Variants in PRKCA observed in about 807,000 individuals in gnomAD.
PRKCA encodes protein kinase C alpha type.
A neutral mutation model predicts 87.0 loss-of-function variants in PRKCA; 27 were observed. The ratio of observed to expected loss-of-function variants is 0.31; its 90% confidence interval spans 0.23 to 0.43. PRKCA has a LOEUF of 0.43. Among genes scored for constraint, PRKCA ranks in the 20% least tolerant of loss-of-function variants. PRKCA has a pLI of 1.00. For synonymous variants in PRKCA, 329 were observed against 311.1 expected, an observed-to-expected ratio of 1.06 and a Z score of -0.61; for missense variants, 518 against 852.3, an observed-to-expected ratio of 0.61 and a Z score of 4.88.
intron 2 of PRKCA, among the ~76,000 whole-genome samples, chr17:66,335,080 T>A (rs1394796729): frequency 6.6e-6 from 1 of 152,064 alleles, no homozygotes; most frequent in Non-Finnish European, 1.5e-5. Context: ...AGACAGAAAG[T>A]AGAATGGTAG....
intron 8 of PRKCA, among the ~76,000 whole-genome samples, chr17:66,720,542 T>C (rs1973589179): frequency 6.6e-6 from 1 of 152,350 alleles, no homozygotes; most frequent in Middle Eastern, 3.4e-3. Flanking sequence ...TGATCTCTCT[T>C]AACTAACGTT....
At chr17:66,580,601 T>A (rs911935475) in intron 3 of PRKCA, among the ~76,000 whole-genome samples, 31 of 152,202 alleles carry the variant, frequency 2.0e-4, no homozygotes, top group Non-Finnish European at 4.0e-4. Context: ...CATAAGAAAG[T>A]TGTCCGTGTT....
intron 2 of PRKCA, among the ~76,000 whole-genome samples, chr17:66,393,638 G>A (rs1910492880): frequency 8.5e-6 from 1 of 118,304 alleles, no homozygotes; most frequent in Admixed American, 8.9e-5. Flanking sequence ...CCATGTGTGT[G>A]CACGTGTGTG....
intron 5 of PRKCA, among the ~76,000 whole-genome samples, chr17:66,672,065 T>C (rs542105782): frequency 2.0e-5 from 3 of 152,296 alleles, no homozygotes; most frequent in South Asian, 4.2e-4. Flanking sequence ...TAGGTGAATA[T>C]TAAGCTAATC....
In PRKCA at chr17:66,389,962, G is replaced by A. The variant is rs989768994; in HGVS notation, c.205+83835G>A. 8.5e-5 allele frequency among the ~76,000 whole-genome samples: 13 copies of A among 152,334 alleles called. No homozygotes were observed. The South Asian group carries it at 1.7e-3, about 19-fold the overall frequency. On this transcript the variant is annotated intron_variant, in intron 2 of 16. Transcript: ENST00000413366. ...GAAGAGGCCGGGCGCAGTGGCTCACGCCTGTAATCCCAGCACTTTGGGAGG... is the reference window on the plus strand; with the variant it reads ...GAAGAGGCCGGGCGCAGTGGCTCACACCTGTAATCCCAGCACTTTGGGAGG...
intron 16 of PRKCA, among the ~76,000 whole-genome samples, chr17:66,793,872 G>A (rs1388836260): frequency 2.6e-5 from 4 of 152,138 alleles, no homozygotes; most frequent in Non-Finnish European, 5.9e-5. Flanking sequence ...CTGATCCACC[G>A]TCACTTTGAA....
chr17:66,702,393 A>G (rs1482568553), intron 8 of PRKCA, among the ~76,000 whole-genome samples: 1 of 152,176 alleles, frequency 6.6e-6, no homozygotes, highest in African/African-American at 2.4e-5. Flanking sequence ...TCACAGAAAC[A>G]GAATAGAAGT....
Position 66,529,971 on chromosome 17 carries a change from A to G in PRKCA, c.288+33688A>G, listed in dbSNP as rs1421156064. ...TGTCATCCCAGATCTGCGACATGCAATAAGGAAAACTGAGTCAGGGAGGAA... is the reference window on the plus strand; with the variant it reads ...TGTCATCCCAGATCTGCGACATGCAGTAAGGAAAACTGAGTCAGGGAGGAA... On this transcript the variant is annotated intron_variant, in intron 3 of 16. Coordinates refer to ENST00000413366, the MANE Select transcript of PRKCA (RefSeq NM_002737.3). Among the ~76,000 whole-genome samples the G allele has an allele frequency of 5.9e-5, 9 of 152,174 alleles. 1 individual carries two copies. Among genetic ancestry groups the G allele is most frequent in the Admixed American group, 5.2e-4 (8 of 15,284 alleles).
chr17:66,547,150 G>A (rs111916058), intron 3 of PRKCA, among the ~76,000 whole-genome samples: 5 of 152,172 alleles, frequency 3.3e-5, no homozygotes, highest in African/African-American at 1.2e-4. Context: ...TCGTGTTTAT[G>A]TCTCCAGATA....
chr17:66,397,556 G>A (rs527830173), intron 2 of PRKCA, among the ~76,000 whole-genome samples: 7 of 151,890 alleles, frequency 4.6e-5, no homozygotes, highest in Non-Finnish European at 1.0e-4. Context: ...TTGACTTAAG[G>A]GCAAATGTCT....
intron 15 of PRKCA, 121 bp from the exon 16 acceptor site, chr17:66,788,718 C>T (rs888270955): frequency 5.0e-6 from 6 of 1,201,134 alleles, no homozygotes; most frequent in Non-Finnish European, 6.9e-6. Context: ...GGTCAGCTCT[C>T]TGAGATGCTG....
intron 2 of PRKCA, among the ~76,000 whole-genome samples, chr17:66,474,531 C>T (rs1915459524): frequency 6.6e-6 from 1 of 152,172 alleles, no homozygotes; most frequent in South Asian, 2.1e-4. Flanking sequence ...AGAGTTTAAT[C>T]ATTGTAATGA....
intron 3 of PRKCA, among the ~76,000 whole-genome samples, chr17:66,549,099 C>T (rs1475028188): frequency 6.6e-6 from 1 of 151,644 alleles, no homozygotes; most frequent in Non-Finnish European, 1.5e-5. Context: ...AGCCACCGTG[C>T]CGGGCCACTT....
At chr17:66,517,049 G>A (rs1449359990) in intron 3 of PRKCA, among the ~76,000 whole-genome samples, 2 of 152,190 alleles carry the variant, frequency 1.3e-5, no homozygotes, top group African/African-American at 2.4e-5. Context: ...ACTTTGGGAA[G>A]CCGAGGCGGG....
At chr17:66,304,490 C>G (rs1004431400) in intron 1 of PRKCA, among the ~76,000 whole-genome samples, 3 of 152,176 alleles carry the variant, frequency 2.0e-5, no homozygotes, top group African/African-American at 7.2e-5. Context: ...TTAGCTCCCT[C>G]TCCTTCTAGG....
intron 3 of PRKCA, among the ~76,000 whole-genome samples, chr17:66,557,832 G>T (rs1305174409): frequency 6.6e-6 from 1 of 152,150 alleles, no homozygotes; most frequent in African/African-American, 2.4e-5. Flanking sequence ...CTGTGAGGGG[G>T]TGTTAGCCAG....
chr17:66,609,685 C>A (rs1008631189), intron 3 of PRKCA, among the ~76,000 whole-genome samples: 1 of 150,468 alleles, frequency 6.6e-6, no homozygotes, highest in African/African-American at 2.4e-5. Context: ...AGGAAGGGAA[C>A]GGGGAAAAAA....
intron 5 of PRKCA, among the ~76,000 whole-genome samples, chr17:66,650,337 A>G (rs965526500): frequency 2.1e-5 from 3 of 146,020 alleles, no homozygotes; most frequent in Admixed American, 1.4e-4. Flanking sequence ...TGGTGCTGAT[A>G]TTATCAGAAT....
chr17:66,426,288 G>A (rs1043327056), intron 2 of PRKCA, among the ~76,000 whole-genome samples: 11 of 152,130 alleles, frequency 7.2e-5, no homozygotes, highest in African/African-American at 2.4e-4. Context: ...CCTTCTGCCC[G>A]ACTGAGGAAT....
Sources: gnomAD v4.1 joint callset for allele counts (sites outside exome capture counted in the v4.1 genomes callset) on GRCh38, gnomAD v4.1.1 for gene constraint, MANE v1.5 for transcripts, NCBI Gene and HGNC (gene_info 2026-07-23, HGNC 2026-07-21) for gene names.